PLXDC1: variants seen among roughly 807,000 people sequenced by gnomAD.
The protein encoded by PLXDC1 is plexin domain containing 1.
In PLXDC1, 39 loss-of-function variants were observed where a neutral mutation model predicts 61.3. The observed-to-expected ratio is 0.64, with a 90% CI of 0.49 to 0.83. The LOEUF is 0.83. Among genes scored for constraint, PLXDC1 ranks in the 40% least tolerant of loss-of-function variants. PLXDC1 has a pLI of 0.00. For missense variants in PLXDC1, 596 were observed against 666.5 expected, an observed-to-expected ratio of 0.89 and a Z score of 1.17; for synonymous variants, 212 against 254.5, an observed-to-expected ratio of 0.83 and a Z score of 1.59.
At chr17:39,118,577 A>G (rs1471789300) in intron 2 of PLXDC1, among the ~76,000 whole-genome samples, 3 of 152,178 alleles carry the variant, frequency 2.0e-5, no homozygotes, top group Non-Finnish European at 4.4e-5. Flanking sequence ...CAGGTGTGAC[A>G]TTATATTTTA....
chr17:39,145,685 T>C (rs1338739176), intron 1 of PLXDC1, among the ~76,000 whole-genome samples: 1 of 152,082 alleles, frequency 6.6e-6, no homozygotes, highest in Non-Finnish European at 1.5e-5. Context: ...CCTGAGTACC[T>C]GAGATACACC....
At chr17:39,129,711 G>GAAGGAAAGAAAAGAAAGAAAGAAAGAAA (rs1249381083) in intron 2 of PLXDC1, among the ~76,000 whole-genome samples, 1 of 108,256 alleles carries the variant, frequency 9.2e-6, no homozygotes, top group African/African-American at 3.6e-5. Flanking sequence ...AAAGAAAGAA[G>GAAGGAAAGAAAAGAAAGAAAGAAAGAAA]GAAAGAAAGA....
At chr17:39,089,596 G>A (rs1040978641) in intron 7 of PLXDC1, among the ~76,000 whole-genome samples, 3 of 152,112 alleles carry the variant, frequency 2.0e-5, no homozygotes, top group Admixed American at 6.5e-5. Context: ...TTGGGTTTTC[G>A]TCACTAGAAG....
rs563026588 is a variant in PLXDC1 at position 39,142,863 on chromosome 17, C to T, written c.77-3031G>A. Among the ~76,000 whole-genome samples, 72 of 152,216 alleles carry T rather than the reference C, an allele frequency of 4.7e-4. 1 individual carries two copies. The highest frequency in any genetic ancestry group is 3.7e-3 in the South Asian group (18 of 4,824). ...AAATTAGTTCTAACAAAAGGCCGGG[C>T]GTGGTGGCTCACACCTATAATCCTA... On this transcript the variant is annotated intron_variant, in intron 1 of 13. Transcript: ENST00000315392.
At chr17:39,134,199 A>C (rs891063762) in intron 2 of PLXDC1, among the ~76,000 whole-genome samples, 4 of 151,760 alleles carry the variant, frequency 2.6e-5, no homozygotes, top group Non-Finnish European at 5.9e-5. Flanking sequence ...GCTTGCGGTG[A>C]ACCGAGATCG....
At chr17:39,147,840 T>TG (rs1322175802) in intron 1 of PLXDC1, among the ~76,000 whole-genome samples, 2 of 152,148 alleles carry the variant, frequency 1.3e-5, no homozygotes, top group Non-Finnish European at 2.9e-5. Context: ...TGCTGGGTGC[T>TG]GGGGGGACAC....
intron 6 of PLXDC1, 136 bp from the exon 7 acceptor site, chr17:39,106,089 G>T: frequency 1.7e-6 from 1 of 572,128 alleles, no homozygotes; most frequent in South Asian, 2.4e-5. Flanking sequence ...AAGCCCAGTG[G>T]GACCCCACCC....
chr17:39,075,361 C>A (rs190102561), intron 11 of PLXDC1, among the ~76,000 whole-genome samples: 1 of 152,184 alleles, frequency 6.6e-6, no homozygotes. Context: ...TGGGAGCTGT[C>A]GGAATCTGCC....
chr17:39,104,538 C>G (rs2143645039), intron 7 of PLXDC1, among the ~76,000 whole-genome samples: 1 of 152,270 alleles, frequency 6.6e-6, no homozygotes, highest in East Asian at 1.9e-4. Flanking sequence ...AATCCCAGCA[C>G]TTTGGGATGC....
At chr17:39,090,696 T>C (rs1424325653) in intron 7 of PLXDC1, among the ~76,000 whole-genome samples, 4 of 152,190 alleles carry the variant, frequency 2.6e-5, no homozygotes, top group African/African-American at 7.2e-5. Flanking sequence ...CCTCGAAGCA[T>C]GTGAGCCCCT....
chr17:39,072,408 G>A (rs1567752456), intron 12 of PLXDC1, 42 bp downstream of exon 12: 3 of 1,467,348 alleles, frequency 2.0e-6, no homozygotes. Context: ...GGGTCCAAGA[G>A]GCGCTGGGTC....
At chr17:39,142,428 C>T (rs1040871634) in intron 1 of PLXDC1, among the ~76,000 whole-genome samples, 4 of 152,208 alleles carry the variant, frequency 2.6e-5, no homozygotes, top group African/African-American at 9.7e-5. Context: ...TGACTACACA[C>T]AGGCCATTTC....
chr17:39,103,715 C>T (rs891811694), intron 7 of PLXDC1, among the ~76,000 whole-genome samples: 4 of 150,880 alleles, frequency 2.7e-5, no homozygotes, highest in Non-Finnish European at 4.4e-5. Flanking sequence ...GCGTGGTGGC[C>T]GGCGCCTGTA....
intron 8 of PLXDC1, 56 bp downstream of exon 8, chr17:39,087,551 G>A (rs771213180): frequency 2.3e-5 from 31 of 1,328,928 alleles, no homozygotes; most frequent in Admixed American, 5.1e-5. Context: ...GGGACATGAA[G>A]CCAGTCTGCT....
intron 7 of PLXDC1, among the ~76,000 whole-genome samples, chr17:39,100,824 G>C (rs561685465): frequency 5.9e-5 from 9 of 152,242 alleles, no homozygotes; most frequent in African/African-American, 1.7e-4. Context: ...TGGAGCCCAG[G>C]CTGTAATACT....
intron 1 of PLXDC1, among the ~76,000 whole-genome samples, chr17:39,143,895 G>A (rs1029242434): frequency 6.6e-6 from 1 of 152,222 alleles, no homozygotes; most frequent in Non-Finnish European, 1.5e-5. Context: ...TCTCTCTTGG[G>A]TGGGGCCCAC....
chr17:39,141,226 C>T (rs1157565033), intron 1 of PLXDC1, among the ~76,000 whole-genome samples: 1 of 152,160 alleles, frequency 6.6e-6, no homozygotes, highest in Non-Finnish European at 1.5e-5. Context: ...GACAGGGTCT[C>T]ACTATTTTGT....
upstream of PLXDC1, chr17:39,152,414 G>T: frequency 1.2e-6 from 1 of 832,764 alleles, no homozygotes; most frequent in Non-Finnish European, 1.6e-6. Flanking sequence ...CCTTCTGACA[G>T]GCTCTGGGGA....
At chr17:39,146,862 GA>G (rs1171170781) in intron 1 of PLXDC1, among the ~76,000 whole-genome samples, 96 of 72,356 alleles carry the variant, frequency 1.3e-3, no homozygotes, top group South Asian at 1.4e-3. Flanking sequence ...TCTCAAAAAA[GA>G]AAAAAAAAAA....
Sources: gnomAD v4.1 joint callset for allele counts (sites outside exome capture counted in the v4.1 genomes callset) on GRCh38, gnomAD v4.1.1 for gene constraint, MANE v1.5 for transcripts, NCBI Gene and HGNC (gene_info 2026-07-23, HGNC 2026-07-21) for gene names.